CHRM2: variants seen among roughly 807,000 people sequenced by gnomAD.
The protein encoded by CHRM2 is muscarinic acetylcholine receptor M2.
A neutral mutation model predicts 25.0 loss-of-function variants in CHRM2; 8 were observed. The observed-to-expected ratio is 0.32, with a 90% CI of 0.19 to 0.58. The LOEUF (loss-of-function observed/expected upper bound fraction) is 0.58. Ranked by LOEUF, CHRM2 falls within the 20% of genes least tolerant of loss-of-function variation. The probability of loss-of-function intolerance (pLI) is 0.88; values close to 1 mark genes in which losing one functional copy is unlikely to be tolerated. For synonymous variants in CHRM2, 202 were observed against 205.7 expected (o/e 0.98, Z 0.15); for missense variants, 440 against 567.1 (o/e 0.78, Z 2.28).
chr7:136,896,771 AAGGGTGGTGG>A (rs1002532663), intron 2 of CHRM2, among the ~76,000 whole-genome samples: 1 of 152,068 alleles, frequency 6.6e-6, no homozygotes, highest in Non-Finnish European at 1.5e-5. Flanking sequence ...AAGATAGGGG[AAGGGTGGTGG>A]AGATGTGGCT....
At chr7:136,931,019 A>T (rs1799071696) in intron 2 of CHRM2, among the ~76,000 whole-genome samples, 1 of 151,126 alleles carries the variant, frequency 6.6e-6, no homozygotes, top group Non-Finnish European at 1.5e-5. Context: ...AACAGGAATT[A>T]TTCTATCCTA....
At chr7:136,970,333 T>C (rs926011595) in intron 2 of CHRM2, among the ~76,000 whole-genome samples, 4 of 152,246 alleles carry the variant, frequency 2.6e-5, no homozygotes, top group Non-Finnish European at 5.9e-5. Context: ...AATCTGTTTA[T>C]TCACACTTTA....
At chr7:136,976,121 G>T (rs1802089598) in intron 2 of CHRM2, among the ~76,000 whole-genome samples, 3 of 152,132 alleles carry the variant, frequency 2.0e-5, no homozygotes, top group Admixed American at 1.3e-4. Flanking sequence ...AATGAGCCAT[G>T]TATACAAAGC....
chr7:136,872,832 G>C (rs1178190561), intron 2 of CHRM2, among the ~76,000 whole-genome samples: 1 of 152,164 alleles, frequency 6.6e-6, no homozygotes, highest in Non-Finnish European at 1.5e-5. Flanking sequence ...AGAATCTGTA[G>C]GTATATCAAT....
In CHRM2 at chr7:137,015,084, T is replaced by C. The variant is rs777079094; in HGVS notation, c.219T>C (p.Gly73=). ...FSLACADLII[G]VFSMNLYTLY... ...TGGCCTGTGCTGACCTTATCATAGG[T>C]GTTTTCTCCATGAACTTGTACACCC... The change falls in exon 4 of 4, where the codon GGT becomes GGC. Residue 73 remains glycine (G), a synonymous_variant. Coordinates refer to ENST00000680005, the MANE Select transcript of CHRM2 (RefSeq NM_001006630.2). The surrounding 1 kb of genome is among the most constrained non-coding windows in gnomAD (Gnocchi z 5.1). 6.2e-7 allele frequency: 1 copy of C among 1,613,510 alleles called. No homozygotes were observed. The highest frequency in any genetic ancestry group is 8.5e-7 in the Non-Finnish European group (1 of 1,179,630).
chr7:136,887,871 A>G (rs529654479), intron 2 of CHRM2, among the ~76,000 whole-genome samples: 77 of 152,184 alleles, frequency 5.1e-4, no homozygotes, highest in Non-Finnish European at 1.0e-3. Context: ...ATTTGAAGAA[A>G]CAGATGTGAA....
At chr7:136,924,098 A>G (rs1940397015) in intron 2 of CHRM2, among the ~76,000 whole-genome samples, 1 of 152,198 alleles carries the variant, frequency 6.6e-6, no homozygotes, top group African/African-American at 2.4e-5. Flanking sequence ...GCAAATAAGC[A>G]TGTTAAAAAT....
chr7:136,950,677 A>G (rs1800355865), intron 2 of CHRM2, among the ~76,000 whole-genome samples: 1 of 152,224 alleles, frequency 6.6e-6, no homozygotes, highest in African/African-American at 2.4e-5. Context: ...AAAGAAAATA[A>G]AAACAGATGA....
In CHRM2 at chr7:137,016,939, TG is replaced by T. The variant is rs1277359957; in HGVS notation, c.*674del. ...GTTATGCCACTATTTTGTACATCCC[TG>T]TTCTATATTGTTTATAGGGAAAACC... is the stretch of plus-strand genomic sequence containing the variant. On this transcript the variant is annotated 3_prime_UTR_variant, in exon 4 of 4. Coordinates refer to ENST00000680005, the MANE Select transcript of CHRM2 (RefSeq NM_001006630.2). 1 of 166,576 alleles carries T rather than the reference TG, an allele frequency of 6.0e-6. No individual in the cohort carries two copies. Among genetic ancestry groups the T allele is most frequent in the African/African-American group, 2.4e-5 (1 of 41,420 alleles). 10.3% of individuals were successfully genotyped at this position (166,576 alleles called of 1,614,324 possible).
intron 2 of CHRM2, among the ~76,000 whole-genome samples, chr7:136,942,278 C>T (rs1799817967): frequency 6.6e-6 from 1 of 152,122 alleles, no homozygotes; most frequent in Non-Finnish European, 1.5e-5. Flanking sequence ...CAAGAAAACG[C>T]CCCCAGTCAA....
At chr7:136,884,952 T>G (rs1419390981) in intron 2 of CHRM2, among the ~76,000 whole-genome samples, 2 of 152,200 alleles carry the variant, frequency 1.3e-5, no homozygotes, top group Admixed American at 6.5e-5. Flanking sequence ...TTTCTGTTTG[T>G]TTGGTTGTTG....
intron 2 of CHRM2, among the ~76,000 whole-genome samples, chr7:136,914,838 T>C (rs1030894359): frequency 6.6e-6 from 1 of 152,006 alleles, no homozygotes; most frequent in Non-Finnish European, 1.5e-5. Flanking sequence ...ATACAAATGT[T>C]TGTTATTATA....
chr7:136,955,991 G>A (rs1800700761), intron 2 of CHRM2, among the ~76,000 whole-genome samples: 1 of 152,054 alleles, frequency 6.6e-6, no homozygotes, highest in East Asian at 1.9e-4. Flanking sequence ...TGTTTCAACT[G>A]ATATTTACTG....
intron 2 of CHRM2, among the ~76,000 whole-genome samples, chr7:136,928,617 T>C (rs185526572): frequency 4.4e-4 from 67 of 152,338 alleles, no homozygotes; most frequent in African/African-American, 1.6e-3. Flanking sequence ...TCTTTCTAAA[T>C]GAGATTATTT....
intron 2 of CHRM2, among the ~76,000 whole-genome samples, chr7:136,956,136 CAT>C (rs950177742): frequency 4.0e-5 from 6 of 151,882 alleles, no homozygotes; most frequent in Non-Finnish European, 8.8e-5. Flanking sequence ...CATATTACAA[CAT>C]AGAGAATAAA....
intron 2 of CHRM2, among the ~76,000 whole-genome samples, chr7:136,941,380 C>T (rs550940909): frequency 6.6e-6 from 1 of 152,182 alleles, no homozygotes. Context: ...AATAAATTTC[C>T]AAAATGTCAC....
intron 2 of CHRM2, among the ~76,000 whole-genome samples, chr7:136,948,746 A>G (rs1483840557): frequency 1.3e-5 from 2 of 152,192 alleles, no homozygotes; most frequent in African/African-American, 4.8e-5. Flanking sequence ...TGGTGAACAG[A>G]GAGTGAGGCA....
chr7:136,977,622 G>T (rs1802190038), intron 2 of CHRM2, among the ~76,000 whole-genome samples: 1 of 152,186 alleles, frequency 6.6e-6, no homozygotes, highest in Admixed American at 6.5e-5. Context: ...CGACTTGAAT[G>T]GTCTTATCCA....
intron 2 of CHRM2, among the ~76,000 whole-genome samples, chr7:136,888,201 C>G (rs767820411): frequency 2.0e-5 from 3 of 152,172 alleles, no homozygotes; most frequent in Admixed American, 6.5e-5. Context: ...CCATGCCCAT[C>G]GAGTCGTAGC....
Sources: gnomAD v4.1 joint callset for allele counts (sites outside exome capture counted in the v4.1 genomes callset) on GRCh38, gnomAD v4.1.1 for gene constraint, Gnocchi (gnomAD v3.1) non-coding constraint, MANE v1.5 for transcripts, NCBI Gene and HGNC (gene_info 2026-07-23, HGNC 2026-07-21) for gene names.